RABGAP1L: variants seen among roughly 807,000 people sequenced by gnomAD.
RABGAP1L encodes the protein rab GTPase-activating protein 1-like.
RABGAP1L carries 63 observed loss-of-function variants against 137.7 expected under a neutral mutation model. The observed-to-expected ratio is 0.46, with a 90% confidence interval of 0.37 to 0.56. The LOEUF is 0.56. RABGAP1L is among the 20% of genes least tolerant of loss of function. The pLI is 0.00. For missense variants in RABGAP1L, 1,095 were observed against 1,244.0 expected (o/e 0.88, Z 1.80); for synonymous variants, 431 against 433.7 (o/e 0.99, Z 0.08).
chr1:174,914,978 C>G (rs949339196), intron 19 of RABGAP1L, among the ~76,000 whole-genome samples: 2 of 152,154 alleles, frequency 1.3e-5, no homozygotes, highest in Admixed American at 6.5e-5. Flanking sequence ...TAGTAAATAA[C>G]AGTTATTTCT....
intron 19 of RABGAP1L, among the ~76,000 whole-genome samples, chr1:174,861,261 G>A (rs868325877): frequency 1.9e-4 from 29 of 152,056 alleles, no homozygotes; most frequent in African/African-American, 6.5e-4. Context: ...GTCATGAAGG[G>A]CAAGATTTCC....
chr1:174,630,208 A>G (rs1673243036), intron 13 of RABGAP1L, among the ~76,000 whole-genome samples: 4 of 146,446 alleles, frequency 2.7e-5, no homozygotes, highest in African/African-American at 5.1e-5. Flanking sequence ...TGATTTGCGT[A>G]TATTGAACCA....
intron 20 of RABGAP1L, among the ~76,000 whole-genome samples, chr1:174,962,328 A>C (rs1669226295): frequency 6.6e-6 from 1 of 151,926 alleles, no homozygotes; most frequent in Admixed American, 6.6e-5. Context: ...TGGGTTTGGG[A>C]CACAGACATT....
intron 13 of RABGAP1L, among the ~76,000 whole-genome samples, chr1:174,500,329 C>G (rs527971393): frequency 6.6e-6 from 1 of 152,266 alleles, no homozygotes; most frequent in Admixed American, 6.5e-5. Flanking sequence ...ATCCACCCTT[C>G]TCGGCCTCCC....
intron 5 of RABGAP1L, chr1:174,245,951 C>G (rs1053754428): frequency 3.3e-5 from 5 of 152,038 alleles, no homozygotes; most frequent in African/African-American, 1.2e-4. Flanking sequence ...TGAACATTTT[C>G]TTGATATATG....
Position 174,949,559 on chromosome 1 carries a change from G to A in RABGAP1L, c.2341-7898G>A, listed in dbSNP as rs551299464. 1.8e-4 allele frequency among the ~76,000 whole-genome samples: 27 copies of A among 152,242 alleles called. No individual in the cohort carries two copies. The South Asian group carries it at 5.4e-3, about 30-fold the overall frequency. On this transcript the variant is annotated intron_variant, in intron 19 of 25. Transcript: ENST00000681986. The stretch of plus-strand genomic sequence containing the variant: ...ACAGTGGGAGAAGAACAAATTGGGG[G>A]TAGAAGGTGGGGTATTAGTCCAGGT...
intron 10 of RABGAP1L, among the ~76,000 whole-genome samples, chr1:174,295,844 G>C (rs115202398): frequency 1.3e-5 from 2 of 152,210 alleles, no homozygotes; most frequent in African/African-American, 2.4e-5. Flanking sequence ...TATTGTTCCT[G>C]TGTGACTCCC....
At position 174,570,360 on chromosome 1, in the gene RABGAP1L, G is replaced by T. The variant is rs1667883406; in HGVS notation, c.1711-67015G>T. 2.6e-5 allele frequency among the ~76,000 whole-genome samples: 4 copies of T among 152,214 alleles called. No individual in the cohort carries two copies. The South Asian group carries it at 8.3e-4, about 32-fold the overall frequency. On this transcript the variant is annotated intron_variant, in intron 13 of 25. Coordinates refer to ENST00000681986, the MANE Select transcript of RABGAP1L (RefSeq NM_001366446.1). The stretch of plus-strand genomic sequence containing the variant: ...AGTGACCACAGAGCTTTATATCTTA[G>T]TGACTAGTGGTTAAAGAGATTGCAT...
chr1:174,502,376 C>A (rs886838899), intron 13 of RABGAP1L, among the ~76,000 whole-genome samples: 1 of 151,474 alleles, frequency 6.6e-6, no homozygotes, highest in Admixed American at 6.6e-5. Flanking sequence ...TGAACAAACC[C>A]CACTGAAGTC....
At chr1:174,644,054 G>T (rs887732864) in intron 14 of RABGAP1L, among the ~76,000 whole-genome samples, 4 of 151,706 alleles carry the variant, frequency 2.6e-5, no homozygotes, top group African/African-American at 9.7e-5. Context: ...CATACAAAAG[G>T]GTTATTTTGG....
chr1:174,466,555 G>A (rs2149295694), intron 13 of RABGAP1L, among the ~76,000 whole-genome samples: 1 of 152,326 alleles, frequency 6.6e-6, no homozygotes, highest in Non-Finnish European at 1.5e-5. Context: ...GGGAGGCTGA[G>A]GCGGGTGGAT....
At chr1:174,817,009 G>C (rs528035258) in intron 19 of RABGAP1L, among the ~76,000 whole-genome samples, 7 of 152,146 alleles carry the variant, frequency 4.6e-5, no homozygotes, top group Non-Finnish European at 1.0e-4. Context: ...GATTACAGGC[G>C]TGAGCCACTG....
intron 4 of RABGAP1L, among the ~76,000 whole-genome samples, chr1:174,237,862 G>A (rs1270508026): frequency 6.6e-6 from 1 of 150,916 alleles, no homozygotes; most frequent in Non-Finnish European, 1.5e-5. Flanking sequence ...ATCCTGCAGA[G>A]TGTTTTCCAA....
chr1:174,607,915 C>G (rs921140854), intron 13 of RABGAP1L, among the ~76,000 whole-genome samples: 1 of 152,186 alleles, frequency 6.6e-6, no homozygotes, highest in Non-Finnish European at 1.5e-5. Flanking sequence ...ATGACTTGCT[C>G]TAGGGTTACC....
chr1:174,648,569 C>G (rs1410825599), intron 14 of RABGAP1L, among the ~76,000 whole-genome samples: 1 of 151,526 alleles, frequency 6.6e-6, no homozygotes, highest in Non-Finnish European at 1.5e-5. Flanking sequence ...GTCTGACAGA[C>G]TGTTATGATT....
intron 19 of RABGAP1L, among the ~76,000 whole-genome samples, chr1:174,839,681 C>T (rs1441608664): frequency 6.6e-6 from 1 of 152,170 alleles, no homozygotes; most frequent in Non-Finnish European, 1.5e-5. Context: ...TTTTTTCTTT[C>T]TCCCCTATTA....
chr1:174,866,110 GGAGAGAGAGAGAGAGAGAGAGAGAGAGA>G (rs34712612), intron 19 of RABGAP1L, among the ~76,000 whole-genome samples: 1 of 65,798 alleles, frequency 1.5e-5, no homozygotes, highest in Non-Finnish European at 2.8e-5. Flanking sequence ...GGAGGGAGGG[GGAGAGAGAGAGAGAGAGAGAGAGAGAGA>G]GAGAGAGAGA....
intron 1 of RABGAP1L, among the ~76,000 whole-genome samples, chr1:174,182,988 A>G (rs149359193): frequency 6.6e-6 from 1 of 152,216 alleles, no homozygotes; most frequent in African/African-American, 2.4e-5. Context: ...CTTTATATGC[A>G]TGTGTTTTAG....
chr1:174,544,537 T>C (rs954528715), intron 13 of RABGAP1L, among the ~76,000 whole-genome samples: 2 of 152,198 alleles, frequency 1.3e-5, no homozygotes, highest in Non-Finnish European at 2.9e-5. Context: ...TGCAATGGGT[T>C]CAAACATCGT....
Sources: gnomAD v4.1 joint callset for allele counts (sites outside exome capture counted in the v4.1 genomes callset) on GRCh38, gnomAD v4.1.1 for gene constraint, MANE v1.5 for transcripts, NCBI Gene and HGNC (gene_info 2026-07-23, HGNC 2026-07-21) for gene names.